Variants in TIAM1 observed in about 807,000 individuals in gnomAD.
The protein encoded by TIAM1 is TIAM Rac1 associated GEF 1, also known as rho guanine nucleotide exchange factor TIAM1.
In TIAM1, 65 loss-of-function variants were observed where a neutral mutation model predicts 163.5. That is an observed-to-expected ratio of 0.40 (90% confidence interval 0.33 to 0.49). The LOEUF is 0.49. Ranked by LOEUF, TIAM1 falls within the 20% of genes least tolerant of loss-of-function variation. The probability of loss-of-function intolerance (pLI) is 0.77; values close to 1 mark genes in which losing one functional copy is unlikely to be tolerated. For missense variants in TIAM1, 1,789 were observed against 2,044.7 expected (o/e 0.87, Z 2.41); for synonymous variants, 833 against 810.1 (o/e 1.03, Z -0.48).
chr21:31,340,844 C>T (rs1372345790), intron 1 of TIAM1, among the ~76,000 whole-genome samples: 1 of 150,796 alleles, frequency 6.6e-6, no homozygotes, highest in Non-Finnish European at 1.5e-5. Flanking sequence ...GGGTAAGATC[C>T]TTAGGAGATG....
Position 31,203,106 on chromosome 21 carries a change from C to T in TIAM1, c.2389-94G>A. 2.9e-6 allele frequency: 3 copies of T among 1,028,492 alleles called. No homozygotes were observed. In the African/African-American group the frequency reaches 4.8e-5, roughly 16 times the overall value. The allele number at this position is 1,028,492 out of a possible 1,614,324, so 63.7% of individuals were successfully genotyped here. On this transcript the variant is annotated intron_variant, in intron 11 of 27. Coordinates refer to ENST00000541036, the MANE Select transcript of TIAM1 (RefSeq NM_001353694.2). ...CCAACATACGATGTATTCCTATGAC[C>T]AATAGAGTTTGTTGTTGTTGTTGTT...
intron 2 of TIAM1, among the ~76,000 whole-genome samples, chr21:31,330,022 CAT>C (rs1319294723): frequency 6.6e-6 from 1 of 152,180 alleles, no homozygotes; most frequent in East Asian, 1.9e-4. Flanking sequence ...AATCAATAAA[CAT>C]ATATTGACAC....
At position 31,266,364 on chromosome 21, in the gene TIAM1, G is replaced by A. The variant is rs201442046; in HGVS notation, c.609C>T (p.Ala203=). 25 of 1,614,050 alleles carry A rather than the reference G, an allele frequency of 1.5e-5. No individual in the cohort carries two copies. Among genetic ancestry groups the A allele is most frequent in the East Asian group, 2.2e-5 (1 of 44,892 alleles). ...GAGCCTCCTCGCAGTCCTTCTCTTC[G>A]GCGGAACCCAAGATTTCTTCGTTGC... ...LTSNEEILGS[A]EEKDCEEARG... The change falls in exon 4 of 28, where the codon GCC becomes GCT. Residue 203 remains alanine (A), a synonymous_variant. Coordinates refer to ENST00000541036, the MANE Select transcript of TIAM1 (RefSeq NM_001353694.2).
intron 2 of TIAM1, among the ~76,000 whole-genome samples, chr21:31,380,453 G>A (rs542345985): frequency 1.3e-5 from 2 of 152,164 alleles, no homozygotes; most frequent in African/African-American, 4.8e-5. Context: ...TGAGGCAGGA[G>A]AATCACTTGA....
At chr21:31,328,060 C>T (rs1273012592) in intron 2 of TIAM1, among the ~76,000 whole-genome samples, 3 of 152,102 alleles carry the variant, frequency 2.0e-5, no homozygotes, top group Admixed American at 2.0e-4. Context: ...TGCCCTCTGC[C>T]TCGATGCTCC....
At chr21:31,485,572 T>C (rs2046245231) in intron 1 of TIAM1, among the ~76,000 whole-genome samples, 1 of 152,094 alleles carries the variant, frequency 6.6e-6, no homozygotes, top group African/African-American at 2.4e-5. Context: ...ATGACCATAT[T>C]CTCTCTGTTG....
chr21:31,507,124 G>A (rs956883483), intron 1 of TIAM1, among the ~76,000 whole-genome samples: 2 of 146,148 alleles, frequency 1.4e-5, no homozygotes, highest in African/African-American at 5.1e-5. Context: ...AAGTGAAATT[G>A]CTAGATCATA....
At chr21:31,259,711 T>G (rs146801798) in intron 4 of TIAM1, among the ~76,000 whole-genome samples, 211 of 152,106 alleles carry the variant, frequency 1.4e-3, no homozygotes, top group African/African-American at 4.6e-3. Flanking sequence ...AAGTATGGAC[T>G]AGGGTTCCCT....
intron 2 of TIAM1, among the ~76,000 whole-genome samples, chr21:31,284,994 A>G (rs990746339): frequency 6.6e-6 from 1 of 152,170 alleles, no homozygotes; most frequent in South Asian, 2.1e-4. Flanking sequence ...CAAAAGCACG[A>G]AAGTGCAACC....
chr21:31,122,029 G>C (rs1438342888), intron 27 of TIAM1, among the ~76,000 whole-genome samples: 1 of 152,156 alleles, frequency 6.6e-6, no homozygotes. Flanking sequence ...AAGATGCCTC[G>C]TGTCTCAATT....
chr21:31,362,473 AT>A (rs1483496819), intron 2 of TIAM1, among the ~76,000 whole-genome samples: 5 of 148,460 alleles, frequency 3.4e-5, no homozygotes, highest in South Asian at 2.1e-4. Flanking sequence ...TATTATTATT[AT>A]TATTATATTT....
At chr21:31,174,612 T>G (rs943000540) in intron 15 of TIAM1, among the ~76,000 whole-genome samples, 2 of 152,258 alleles carry the variant, frequency 1.3e-5, no homozygotes, top group Non-Finnish European at 2.9e-5. Flanking sequence ...CTTGGAACGC[T>G]GGAACTTTTA....
chr21:31,152,513 C>G, intron 19 of TIAM1, 123 bp downstream of exon 19: 2 of 1,342,258 alleles, frequency 1.5e-6, no homozygotes, highest in South Asian at 1.5e-5. Flanking sequence ...ATTCCCCTCC[C>G]TCTCAGACAC....
At chr21:31,311,625 T>C (rs1293020203) in intron 2 of TIAM1, among the ~76,000 whole-genome samples, 1 of 152,200 alleles carries the variant, frequency 6.6e-6, no homozygotes, top group Non-Finnish European at 1.5e-5. Context: ...AGCCTATTTA[T>C]GCCTGGTACT....
rs904414987 is a variant in TIAM1, at chr21:31,152,064, T to C, written c.3366+572A>G. Among the ~76,000 whole-genome samples the C allele has an allele frequency of 6.2e-5, 9 of 146,262 alleles. No individual in the cohort carries two copies. In the South Asian group the frequency reaches 2.0e-3, roughly 32 times the overall value. On this transcript the variant is annotated intron_variant, in intron 19 of 27. Coordinates refer to ENST00000541036, the MANE Select transcript of TIAM1 (RefSeq NM_001353694.2). ...TTTTTTTTTGTAAGACGGAGCCTCG[T>C]TCTTGTCCCCCAGACTGGAGAGCAG...
chr21:31,546,823 T>C (rs1014101141), intron 1 of TIAM1, among the ~76,000 whole-genome samples: 1 of 152,162 alleles, frequency 6.6e-6, no homozygotes, highest in Non-Finnish European at 1.5e-5. Flanking sequence ...TTTTCAAGTT[T>C]TTCCCAAATT....
chr21:31,301,952 T>A (rs928335094), intron 2 of TIAM1, among the ~76,000 whole-genome samples: 1 of 150,396 alleles, frequency 6.6e-6, no homozygotes, highest in Non-Finnish European at 1.5e-5. Context: ...ATATATAAAA[T>A]GTGTGTGTAT....
intron 2 of TIAM1, among the ~76,000 whole-genome samples, chr21:31,351,135 C>A (rs1442490508): frequency 6.6e-6 from 1 of 152,128 alleles, no homozygotes; most frequent in East Asian, 1.9e-4. Flanking sequence ...ATACGACAAA[C>A]CTGTATCTCA....
At chr21:31,450,950 C>T (rs929872229) in intron 2 of TIAM1, among the ~76,000 whole-genome samples, 2 of 152,094 alleles carry the variant, frequency 1.3e-5, no homozygotes, top group Middle Eastern at 3.4e-3. Context: ...GGGGACACAG[C>T]CAAACCATAT....
Sources: gnomAD v4.1 joint callset for allele counts (sites outside exome capture counted in the v4.1 genomes callset) on GRCh38, gnomAD v4.1.1 for gene constraint, MANE v1.5 for transcripts, NCBI Gene and HGNC (gene_info 2026-07-23, HGNC 2026-07-21) for gene names.